UBALD2: variants seen among roughly 807,000 people sequenced by gnomAD.
UBALD2 encodes UBA like domain containing 2.
A neutral mutation model predicts 15.9 loss-of-function variants in UBALD2; 8 were observed. That is an observed-to-expected ratio of 0.50 (90% CI 0.29 to 0.91). The LOEUF (loss-of-function observed/expected upper bound fraction) is 0.91, where lower values mean the gene tolerates loss of function less well. Ranked by LOEUF, UBALD2 falls within the 40% of genes least tolerant of loss-of-function variation. The probability of loss-of-function intolerance (pLI) is 0.07; values close to 1 mark genes in which losing one functional copy is unlikely to be tolerated. For synonymous variants in UBALD2, 113 were observed against 97.7 expected (o/e 1.16, Z -0.93); for missense variants, 178 against 234.8 (o/e 0.76, Z 1.58).
rs2070535751 is a variant in UBALD2 at position 76,265,367 on chromosome 17, C to CGGCGGTGGAGCG, written c.-134_-133insTGGAGCGGGCGG. The CGGCGGTGGAGCG allele has an allele frequency of 4.9e-5, 42 of 852,422 alleles. No individual in the cohort carries two copies. Among genetic ancestry groups the CGGCGGTGGAGCG allele is most frequent in the Non-Finnish European group, 5.9e-5 (42 of 709,088 alleles). 52.8% of individuals were successfully genotyped at this position (852,422 alleles called of 1,614,324 possible). ...CGAACCACAACATTCGCCGGGCGGG[C>CGGCGGTGGAGCG]GGCGGCGGAGCGGGCGGCGGAGCGG... On this transcript the variant is annotated 5_prime_UTR_variant, in exon 1 of 3. Coordinates refer to ENST00000327490, the MANE Select transcript of UBALD2 (RefSeq NM_182565.4).
chr17:76,269,155 G>C lies in UBALD2; in HGVS notation c.184-1039G>C, dbSNP rs557146161. 2.0e-5 allele frequency among the ~76,000 whole-genome samples: 3 copies of C among 152,250 alleles called. No homozygotes were observed. Among genetic ancestry groups the C allele is most frequent in the African/African-American group, 7.2e-5 (3 of 41,560 alleles). On this transcript the variant is annotated intron_variant, in intron 2 of 2. Coordinates refer to ENST00000327490, the MANE Select transcript of UBALD2 (RefSeq NM_182565.4). This position sits in a 1 kb window ranked among gnomAD's most constrained non-coding sequence, Gnocchi z 4.6. ...AAAGAAGGACTCCTGTGGCTTCCTGGGAAAGGGAGAAAGCAGCTTTGAGGT... is the reference window on the plus strand; with the variant it reads ...AAAGAAGGACTCCTGTGGCTTCCTGCGAAAGGGAGAAAGCAGCTTTGAGGT...
In UBALD2 at chr17:76,265,527, C is replaced by A; in HGVS notation, c.22C>A (p.Leu8Met). 1 of 1,303,018 alleles carries A rather than the reference C, an allele frequency of 7.7e-7. No individual in the cohort carries two copies. The highest frequency in any genetic ancestry group is 1.0e-6 in the Non-Finnish European group (1 of 1,001,260). The allele number at this position is 1,303,018 out of a possible 1,614,324, so 80.7% of individuals were successfully genotyped here. A position where few individuals can be genotyped will look rare whatever the true frequency, so the allele number is the denominator to read the frequency against. ...CGCCATGTCGGTGAACATGGACGAG[C>A]TGCGGCACCAGGTCATGATCAACCA... Reference protein sequence around the residue: MSVNMDELRHQVMINQFV... With the variant: MSVNMDEMRHQVMINQFV... The change falls in exon 1 of 3, where the codon CTG (leucine) becomes ATG (methionine). Residue 8 changes from leucine (L) to methionine (M), a missense_variant. Physicochemically the swap from Leu to Met is conservative, Grantham distance 15. Coordinates refer to ENST00000327490, the MANE Select transcript of UBALD2 (RefSeq NM_182565.4).
chr17:76,269,593 C>T lies in UBALD2; in HGVS notation c.184-601C>T, dbSNP rs555760862. ...CATTTTCGGGCAAGTGACTTGACTT[C>T]TGGGCCTCAGTTTCCTCATTTGTCA... On this transcript the variant is annotated intron_variant, in intron 2 of 2. Transcript: ENST00000327490. This position sits in a 1 kb window ranked among gnomAD's most constrained non-coding sequence, Gnocchi z 4.6. 6.6e-6 allele frequency among the ~76,000 whole-genome samples: 1 copy of T among 152,310 alleles called. No individual in the cohort carries two copies. The highest frequency in any genetic ancestry group is 2.4e-5 in the African/African-American group (1 of 41,556).
At chr17:76,268,814 A>T (rs1190805604) in intron 2 of UBALD2, among the ~76,000 whole-genome samples, 3 of 147,596 alleles carry the variant, frequency 2.0e-5, no homozygotes, top group Admixed American at 6.7e-5. Flanking sequence ...GCTCACTACA[A>T]CCTCCACCTC....
chr17:76,268,309 C>T (rs886888862), intron 2 of UBALD2, among the ~76,000 whole-genome samples: 4 of 152,236 alleles, frequency 2.6e-5, no homozygotes, highest in Non-Finnish European at 4.4e-5. Context: ...CTTACACAGG[C>T]AGGCCACCAC....
At chr17:76,265,690 G>T in intron 1 of UBALD2, 65 bp downstream of exon 1, 1 of 1,177,488 alleles carries the variant, frequency 8.5e-7, no homozygotes, top group Non-Finnish European at 1.0e-6. Flanking sequence ...CGGCGGGGGC[G>T]GGGAGCGCTC....
rs1184881425 is a variant in UBALD2 at position 76,265,617 on chromosome 17, C to A, written c.112C>A (p.Gln38Lys). ...GCAGTTGCTGCAGGCGGCCCACTGGCAGTTCGAGGTGCGAGCCTGGCCGCC... is the reference window on the plus strand; with the variant it reads ...GCAGTTGCTGCAGGCGGCCCACTGGAAGTTCGAGGTGCGAGCCTGGCCGCC... ...AKQLLQAAHWQFETALSTFFQ... is the reference protein window; with the variant it reads ...AKQLLQAAHWKFETALSTFFQ... The change falls in exon 1 of 3, where the codon CAG becomes AAG. Residue 38 changes from glutamine (Q) to lysine (K), a missense_variant. Coordinates refer to ENST00000327490, the MANE Select transcript of UBALD2 (RefSeq NM_182565.4). 1 of 1,287,182 alleles carries A rather than the reference C, an allele frequency of 7.8e-7. No individual in the cohort carries two copies. The highest frequency in any genetic ancestry group is 1.8e-5 in the South Asian group (1 of 55,732). The allele number at this position is 1,287,182 out of a possible 1,614,324, so 79.7% of individuals were successfully genotyped here. A position where few individuals can be genotyped will look rare whatever the true frequency, so the allele number is the denominator to read the frequency against.
Position 76,265,391 on chromosome 17 carries a change from G to GGCGGCAGCA in UBALD2, c.-110_-102dup. Reference sequence around the variant, plus strand: ...GCGGCGGCGGAGCGGGCGGCGGAGCGGCGGCAGCAGCGGTGAGCGCGAGCC... The same window carrying GGCGGCAGCA: ...GCGGCGGCGGAGCGGGCGGCGGAGCGGCGGCAGCAGCGGCAGCAGCGGTGAGCGCGAGCC... On this transcript the variant is annotated 5_prime_UTR_variant, in exon 1 of 3. Coordinates refer to ENST00000327490, the MANE Select transcript of UBALD2 (RefSeq NM_182565.4). 1.1e-6 allele frequency: 1 copy of GGCGGCAGCA among 939,308 alleles called. No individual in the cohort carries two copies. Among genetic ancestry groups the GGCGGCAGCA allele is most frequent in the Non-Finnish European group, 1.3e-6 (1 of 790,636 alleles). The allele number at this position is 939,308 out of a possible 1,614,324, so 58.2% of individuals were successfully genotyped here.
intron 1 of UBALD2, 99 bp downstream of exon 1, chr17:76,265,724 C>A (rs1387771940): frequency 7.9e-7 from 1 of 1,273,426 alleles, no homozygotes; most frequent in African/African-American, 1.6e-5. Context: ...GGAAGGCGAT[C>A]GGCGCCCGCG....
rs1047594999 is a variant in UBALD2, at chr17:76,269,482, G to C, written c.184-712G>C. The stretch of plus-strand genomic sequence containing the variant: ...AAAGGGGCTCTTGACTCTGTGCAGC[G>C]TGGCCCAGTAGATGTTAAGAGCTTG... On this transcript the variant is annotated intron_variant, in intron 2 of 2. Coordinates refer to ENST00000327490, the MANE Select transcript of UBALD2 (RefSeq NM_182565.4). The surrounding 1 kb of genome is among the most constrained non-coding windows in gnomAD (Gnocchi z 4.6). Among the ~76,000 whole-genome samples the C allele has an allele frequency of 6.6e-6, 1 of 150,432 alleles. No individual in the cohort carries two copies. The highest frequency in any genetic ancestry group is 2.5e-5 in the African/African-American group (1 of 40,388).
intron 2 of UBALD2, 81 bp from the exon 3 acceptor site, chr17:76,270,113 A>AAAAAT: frequency 7.0e-7 from 1 of 1,421,252 alleles, no homozygotes; most frequent in Non-Finnish European, 9.7e-7. Context: ...GGAGTAAAGG[A>AAAAAT]GCGGCTGGCC....
Position 76,269,711 on chromosome 17 carries a change from C to T in UBALD2, c.184-483C>T, listed in dbSNP as rs1363768680. Among the ~76,000 whole-genome samples the T allele has an allele frequency of 6.6e-6, 1 of 152,202 alleles. No individual in the cohort carries two copies. The highest frequency in any genetic ancestry group is 2.4e-5 in the African/African-American group (1 of 41,452). On this transcript the variant is annotated intron_variant, in intron 2 of 2. Transcript: ENST00000327490. This position sits in a 1 kb window ranked among gnomAD's most constrained non-coding sequence, Gnocchi z 4.6. ...GCTGTCACCCTTAGTGTGGTGTGAA[C>T]CCATCCACCAAGGTGGCTTAACTTT...
At chr17:76,265,840 G>T (rs1326911469) in intron 1 of UBALD2, 67 bp from the exon 2 acceptor site, 4 of 1,535,154 alleles carry the variant, frequency 2.6e-6, no homozygotes, top group East Asian at 2.5e-5. Flanking sequence ...AGAGCCGGTG[G>T]GGGGCCCAGC....
chr17:76,270,034 T>C (rs561313113), intron 2 of UBALD2, among the ~76,000 whole-genome samples, 160 bp from the exon 3 acceptor site: 2 of 152,328 alleles, frequency 1.3e-5, no homozygotes, highest in South Asian at 4.1e-4. Context: ...CTGTTTGTAT[T>C]GCCTCGGGGA....
At position 76,265,580 on chromosome 17, in the gene UBALD2, C is replaced by G; in HGVS notation, c.75C>G (p.Ala25=). Residue 25 remains alanine (A), a synonymous_variant, in exon 1 of 3, where the codon GCC becomes GCG. Coordinates refer to ENST00000327490, the MANE Select transcript of UBALD2 (RefSeq NM_182565.4). ...TCGTGCTGGCCGCGGGCTGCGCGGC[C>G]GACCAGGCGAAGCAGTTGCTGCAGG... ...NQFVLAAGCA[A]DQAKQLLQAA... is the part of the protein sequence containing the mutation. The G allele has an allele frequency of 7.5e-7, 1 of 1,338,124 alleles. No homozygotes were observed. The highest frequency in any genetic ancestry group is 9.8e-7 in the Non-Finnish European group (1 of 1,021,056). The allele number at this position is 1,338,124 out of a possible 1,614,324, so 82.9% of individuals were successfully genotyped here.
intron 2 of UBALD2, among the ~76,000 whole-genome samples, chr17:76,268,405 G>GGTCAC (rs992972912): frequency 6.6e-6 from 1 of 152,066 alleles, no homozygotes; most frequent in African/African-American, 2.4e-5. Flanking sequence ...TGGGGAAGTC[G>GGTCAC]GTCACGATGC....
chr17:76,266,005 G>A, intron 2 of UBALD2, 36 bp downstream of exon 2: 1 of 1,545,708 alleles, frequency 6.5e-7, no homozygotes, highest in Non-Finnish European at 8.7e-7. Context: ...GGCCGGGGCC[G>A]CTGTCAGCGC....
chr17:76,266,036 C>T (rs1348414466), intron 2 of UBALD2, 67 bp downstream of exon 2: 2 of 1,495,056 alleles, frequency 1.3e-6, no homozygotes, highest in Non-Finnish European at 1.8e-6. Context: ...GCCATGTTGC[C>T]GGGGAGCGCC....
intron 2 of UBALD2, among the ~76,000 whole-genome samples, chr17:76,267,541 A>C (rs1209478648): frequency 2.9e-5 from 4 of 139,894 alleles, no homozygotes; most frequent in Non-Finnish European, 3.0e-5. Flanking sequence ...AGGCCAGGGC[A>C]GGGGGAGTCT....
Sources: gnomAD v4.1 joint callset for allele counts (sites outside exome capture counted in the v4.1 genomes callset) on GRCh38, gnomAD v4.1.1 for gene constraint, Gnocchi (gnomAD v3.1) non-coding constraint, MANE v1.5 for transcripts, NCBI Gene and HGNC (gene_info 2026-07-23, HGNC 2026-07-21) for gene names.